Variants in DGKB observed in about 807,000 individuals in gnomAD.
The protein encoded by DGKB is diacylglycerol kinase beta, also known as 90 kDa diacylglycerol kinase.
Under a neutral mutation model 114.3 loss-of-function variants are expected in DGKB, and 67 were observed. That is an observed-to-expected ratio of 0.59 (90% CI 0.48 to 0.72). DGKB has a LOEUF of 0.72. Ranked by LOEUF, DGKB falls within the 30% of genes least tolerant of loss-of-function variation. The pLI, the probability that DGKB is intolerant of heterozygous loss-of-function variation, is 0.00. For missense variants in DGKB, 907 were observed against 975.2 expected (o/e 0.93, Z 0.93); for synonymous variants, 398 against 323.1 (o/e 1.23, Z -2.49).
intron 17 of DGKB, 27 bp from the exon 18 acceptor site, chr7:14,583,164 T>A (rs369147405): frequency 1.5e-6 from 2 of 1,361,150 alleles, no homozygotes; most frequent in Non-Finnish European, 1.0e-6. Flanking sequence ...TTATGGCACA[T>A]GATTAATAGT....
At chr7:14,402,372 G>C (rs1375920342) in intron 21 of DGKB, among the ~76,000 whole-genome samples, 1 of 151,668 alleles carries the variant, frequency 6.6e-6, no homozygotes, top group Non-Finnish European at 1.5e-5. Context: ...TTAATTCCAG[G>C]AACATAGTTT....
Position 14,338,662 on chromosome 7 carries a change from C to T in DGKB, c.1975G>A (p.Ala659Thr). The stretch of plus-strand genomic sequence containing the variant: ...TGCATGCTTGGTATATTCAAAATAG[C>T]AATTCCTTCCAGAGAGATGTTTATT... ...DLINISLEGI[A>T]ILNIPSMHGG... Residue 659 changes from alanine to threonine, a missense_variant, in exon 23 of 26, where the codon GCT becomes ACT. Ala to Thr is a moderately conservative substitution (Grantham distance 58, BLOSUM62 0). Around this residue, in one of 3 missense-constraint regions of DGKB, gnomAD observed 814 missense variants for 856.6 expected, o/e 0.95. Coordinates refer to ENST00000402815, the MANE Select transcript of DGKB (RefSeq NM_001350709.2). 1 of 1,599,100 alleles carries T rather than the reference C, an allele frequency of 6.3e-7. No individual in the cohort carries two copies. The highest frequency in any genetic ancestry group is 8.5e-7 in the Non-Finnish European group (1 of 1,172,124).
At chr7:14,521,613 T>A (rs2128566743) in intron 20 of DGKB, among the ~76,000 whole-genome samples, 1 of 152,326 alleles carries the variant, frequency 6.6e-6, no homozygotes, top group Admixed American at 6.5e-5. Flanking sequence ...TAATTTAAAG[T>A]AATTGTTATA....
At chr7:14,849,370 T>C (rs532787447) in intron 1 of DGKB, among the ~76,000 whole-genome samples, 46 of 152,164 alleles carry the variant, frequency 3.0e-4, no homozygotes, top group African/African-American at 1.1e-3. Flanking sequence ...AGTGGGACCT[T>C]TGAGGGGTAT....
chr7:14,349,881 T>C (rs548069124), intron 21 of DGKB, among the ~76,000 whole-genome samples: 70 of 152,258 alleles, frequency 4.6e-4, no homozygotes, highest in African/African-American at 1.6e-3. Context: ...AAGAATATGG[T>C]AACTCGACAT....
At chr7:14,314,890 G>A (rs1201996805) in intron 23 of DGKB, among the ~76,000 whole-genome samples, 8 of 151,686 alleles carry the variant, frequency 5.3e-5, no homozygotes, top group African/African-American at 1.2e-4. Context: ...GAGAAAGGTC[G>A]GGTTCCCCTC....
At chr7:14,393,271 G>A (rs981089749) in intron 21 of DGKB, among the ~76,000 whole-genome samples, 6 of 152,032 alleles carry the variant, frequency 3.9e-5, no homozygotes, top group East Asian at 1.9e-4. Context: ...TTACAGGCGT[G>A]AGCCACCGCG....
intron 22 of DGKB, among the ~76,000 whole-genome samples, chr7:14,339,988 G>A (rs922018543): frequency 2.0e-5 from 3 of 151,490 alleles, no homozygotes; most frequent in African/African-American, 7.3e-5. Context: ...TTCCACATTC[G>A]CCTCATCATA....
At chr7:14,343,192 CACACACAA>C (rs1197243910) in intron 22 of DGKB, among the ~76,000 whole-genome samples, 3 of 150,580 alleles carry the variant, frequency 2.0e-5, no homozygotes, top group African/African-American at 7.4e-5. Context: ...CACACACACA[CACACACAA>C]CAAGATATGC....
chr7:14,647,524 AAAC>A (rs1212490698), intron 13 of DGKB, among the ~76,000 whole-genome samples: 1 of 152,230 alleles, frequency 6.6e-6, no homozygotes, highest in Non-Finnish European at 1.5e-5. Flanking sequence ...CACAGACACA[AAAC>A]AACAACAAAC....
At chr7:14,439,707 T>C (rs186191692) in intron 21 of DGKB, among the ~76,000 whole-genome samples, 3 of 128,916 alleles carry the variant, frequency 2.3e-5, no homozygotes, top group African/African-American at 8.1e-5. Flanking sequence ...CTACTAAAAG[T>C]GCAAAAAATA....
At chr7:14,530,258 G>A (rs766947348) in intron 20 of DGKB, among the ~76,000 whole-genome samples, 1 of 151,362 alleles carries the variant, frequency 6.6e-6, no homozygotes, top group Non-Finnish European at 1.5e-5. Flanking sequence ...GTTTTACGAA[G>A]CATACAAAAA....
chr7:14,255,986 G>A (rs1030450231), intron 23 of DGKB, among the ~76,000 whole-genome samples: 1 of 152,156 alleles, frequency 6.6e-6, no homozygotes, highest in Admixed American at 6.5e-5. Flanking sequence ...AATTCTATGT[G>A]CCAGAAACCC....
intron 2 of DGKB, among the ~76,000 whole-genome samples, chr7:14,767,775 A>G (rs1331170160): frequency 6.6e-6 from 1 of 151,972 alleles, no homozygotes; most frequent in Non-Finnish European, 1.5e-5. Context: ...AAATGCAAGT[A>G]TGAGTTACAT....
chr7:14,185,210 C>G (rs1783228709), intron 23 of DGKB, among the ~76,000 whole-genome samples: 1 of 152,126 alleles, frequency 6.6e-6, no homozygotes. Context: ...ATCAGTAGCT[C>G]TTGTACACAA....
chr7:14,278,286 A>C (rs2128447662), intron 23 of DGKB, among the ~76,000 whole-genome samples: 1 of 152,372 alleles, frequency 6.6e-6, no homozygotes, highest in African/African-American at 2.4e-5. Flanking sequence ...CACTGGCATA[A>C]AAACAGGCAT....
At chr7:14,438,603 G>A (rs2128807310) in intron 21 of DGKB, among the ~76,000 whole-genome samples, 1 of 152,224 alleles carries the variant, frequency 6.6e-6, no homozygotes, top group African/African-American at 2.4e-5. Flanking sequence ...AGAGGTTGGA[G>A]CGTGGGTGAG....
At chr7:14,710,721 C>T (rs1827220096) in intron 6 of DGKB, among the ~76,000 whole-genome samples, 1 of 151,952 alleles carries the variant, frequency 6.6e-6, no homozygotes, top group Admixed American at 6.6e-5. Flanking sequence ...TGTTTTTAAT[C>T]ATGAATAGAA....
intron 13 of DGKB, among the ~76,000 whole-genome samples, chr7:14,661,846 G>C (rs867468075): frequency 6.6e-6 from 1 of 151,934 alleles, no homozygotes; most frequent in Non-Finnish European, 1.5e-5. Context: ...AAAATGTGGC[G>C]CATATACACC....
Sources: gnomAD v4.1 joint callset for allele counts (sites outside exome capture counted in the v4.1 genomes callset) on GRCh38, gnomAD v4.1.1 for gene constraint, gnomAD v4.1.1 regional missense constraint, MANE v1.5 for transcripts, NCBI Gene and HGNC (gene_info 2026-07-23, HGNC 2026-07-21) for gene names.